TPD52: variants seen among roughly 807,000 people sequenced by gnomAD.
TPD52 encodes prostate and colon associated protein.
TPD52 carries 17 observed loss-of-function variants against 31.3 expected under a neutral mutation model. The ratio of observed to expected loss-of-function variants is 0.54; its 90% CI spans 0.37 to 0.82. TPD52 has a LOEUF of 0.82. Ranked by LOEUF, TPD52 falls within the 40% of genes least tolerant of loss-of-function variation. TPD52 has a pLI of 0.00. For synonymous variants in TPD52, 83 were observed against 89.6 expected (o/e 0.93, Z 0.42); for missense variants, 212 against 240.1 (o/e 0.88, Z 0.77).
chr8:80,091,482 A>G (rs1023908634), intron 1 of TPD52, among the ~76,000 whole-genome samples: 4 of 143,814 alleles, frequency 2.8e-5, no homozygotes, highest in Middle Eastern at 3.4e-3. Context: ...AAAAAAAAAA[A>G]TACACAAAAG....
chr8:80,048,894 G>A (rs1180116458), intron 5 of TPD52, among the ~76,000 whole-genome samples: 1 of 152,052 alleles, frequency 6.6e-6, no homozygotes, highest in Non-Finnish European at 1.5e-5. Context: ...GACTGAAAAT[G>A]GTACAGCATA....
chr8:80,109,374 T>C (rs62516082), intron 1 of TPD52, among the ~76,000 whole-genome samples: 30,796 of 152,116 alleles, frequency 0.2, 5,680 homozygotes, highest in African/African-American at 0.49. Context: ...TGAGACAAAA[T>C]TTATTATGCA....
At chr8:80,164,845 T>C (rs534334257) in intron 1 of TPD52, among the ~76,000 whole-genome samples, 33 of 126,674 alleles carry the variant, frequency 2.6e-4, no homozygotes, top group Non-Finnish European at 4.2e-4. Flanking sequence ...ATCATGCCAC[T>C]GCACTCCAGC....
At position 80,058,781 on chromosome 8, in the gene TPD52, A is replaced by G. The variant is rs149893163; in HGVS notation, c.136-5351T>C. Among the ~76,000 whole-genome samples, 1,486 of 152,322 alleles carry G rather than the reference A, an allele frequency of 9.8e-3. 27 individuals are homozygous for G. The highest frequency in any genetic ancestry group is 0.034 in the African/African-American group (1,405 of 41,558). Reference sequence around the variant, plus strand: ...CCACCACACTCCAGCCTGGGCAACAACAGAGTGAAACTCTGTCTCAAAAAA... The same window carrying G: ...CCACCACACTCCAGCCTGGGCAACAGCAGAGTGAAACTCTGTCTCAAAAAA... On this transcript the variant is annotated intron_variant, in intron 2 of 7. Coordinates refer to ENST00000518937, the MANE Select transcript of TPD52 (RefSeq NM_001025253.3).
intron 1 of TPD52, among the ~76,000 whole-genome samples, chr8:80,123,377 C>T (rs1052069608): frequency 6.6e-6 from 1 of 152,120 alleles, no homozygotes; most frequent in Admixed American, 6.5e-5. Flanking sequence ...AAATGACTCT[C>T]AAGACAAGGT....
chr8:80,082,053 C>G (rs1408843799), intron 1 of TPD52, among the ~76,000 whole-genome samples: 1 of 152,066 alleles, frequency 6.6e-6, no homozygotes, highest in Non-Finnish European at 1.5e-5. Flanking sequence ...GGTGATCCGC[C>G]TGCCTCGGCC....
chr8:80,087,252 A>T (rs1815881025), intron 1 of TPD52, among the ~76,000 whole-genome samples: 1 of 152,174 alleles, frequency 6.6e-6, no homozygotes, highest in African/African-American at 2.4e-5. Flanking sequence ...CCTATCACCT[A>T]GGTCTTAAGC....
chr8:80,140,192 C>T (rs1402328606), intron 1 of TPD52, among the ~76,000 whole-genome samples: 1 of 152,172 alleles, frequency 6.6e-6, no homozygotes, highest in Non-Finnish European at 1.5e-5. Context: ...CCTGGGTTCT[C>T]CTGATGTCAA....
chr8:80,036,577 T>C lies in TPD52; in HGVS notation c.*1539A>G, dbSNP rs1809926241. 2 of 152,596 alleles carry C rather than the reference T, an allele frequency of 1.3e-5. No homozygotes were observed. The highest frequency in any genetic ancestry group is 2.4e-5 in the African/African-American group (1 of 41,432). 9.5% of individuals were successfully genotyped at this position (152,596 alleles called of 1,614,324 possible). A position where few individuals can be genotyped will look rare whatever the true frequency, so the allele number is the denominator to read the frequency against. Reference sequence around the variant, plus strand: ...CAGACCACTGGTCTCATAATAAATATTGAGACCTATACTACTGATAGATGG... The same window carrying C: ...CAGACCACTGGTCTCATAATAAATACTGAGACCTATACTACTGATAGATGG... On this transcript the variant is annotated 3_prime_UTR_variant, in exon 8 of 8. Coordinates refer to ENST00000518937, the MANE Select transcript of TPD52 (RefSeq NM_001025253.3).
At chr8:80,104,536 G>A (rs566654269) in intron 1 of TPD52, among the ~76,000 whole-genome samples, 1 of 151,348 alleles carries the variant, frequency 6.6e-6, no homozygotes, top group Non-Finnish European at 1.5e-5. Flanking sequence ...GATCAGCCGG[G>A]GGAACAGAGC....
At chr8:80,115,481 G>A (rs994232866) in intron 1 of TPD52, among the ~76,000 whole-genome samples, 16 of 152,234 alleles carry the variant, frequency 1.1e-4, no homozygotes, top group Non-Finnish European at 1.5e-4. Context: ...TACAAGCGGC[G>A]GAAAAGGCAG....
At chr8:80,042,129 A>C (rs950522474) in intron 7 of TPD52, 1 of 960,106 alleles carries the variant, frequency 1.0e-6, no homozygotes, top group Non-Finnish European at 1.2e-6. Flanking sequence ...ATTGCACATA[A>C]TATTGAAAGA....
At chr8:80,132,660 G>A (rs138468764) in intron 1 of TPD52, among the ~76,000 whole-genome samples, 3 of 152,218 alleles carry the variant, frequency 2.0e-5, no homozygotes, top group Admixed American at 2.0e-4. Context: ...TGGACCCAGA[G>A]AATAGTACTT....
chr8:80,163,569 A>G (rs1267515618), intron 1 of TPD52, among the ~76,000 whole-genome samples: 2 of 152,182 alleles, frequency 1.3e-5, no homozygotes, highest in African/African-American at 2.4e-5. Flanking sequence ...TACAGTTAAC[A>G]CTATCGTACT....
At chr8:80,150,268 C>A (rs1475311750) in intron 1 of TPD52, among the ~76,000 whole-genome samples, 1 of 152,228 alleles carries the variant, frequency 6.6e-6, no homozygotes, top group Non-Finnish European at 1.5e-5. Flanking sequence ...ATTTGGGAAC[C>A]TCCGCCTAGA....
chr8:80,038,331 C>T (rs925734640), intron 7 of TPD52, 96 bp from the exon 8 acceptor site: 3 of 1,247,760 alleles, frequency 2.4e-6, no homozygotes, highest in Non-Finnish European at 3.4e-6. Context: ...AGAACAAATA[C>T]ATCAGCAACC....
chr8:80,031,450 A>G (rs1187927290), downstream of TPD52, among the ~76,000 whole-genome samples: 1 of 152,234 alleles, frequency 6.6e-6, no homozygotes, highest in African/African-American at 2.4e-5. Context: ...TTATCTCCCG[A>G]GACTATTAAT....
At chr8:80,056,023 A>C (rs1811838079) in intron 2 of TPD52, among the ~76,000 whole-genome samples, 1 of 152,214 alleles carries the variant, frequency 6.6e-6, no homozygotes, top group Non-Finnish European at 1.5e-5. Context: ...ATAATCCAGC[A>C]ATCCCACTAC....
intron 1 of TPD52, among the ~76,000 whole-genome samples, chr8:80,069,507 C>T (rs1813531547): frequency 6.7e-6 from 1 of 148,834 alleles, no homozygotes; most frequent in South Asian, 2.1e-4. Flanking sequence ...TTTTAGGGGG[C>T]TGGGCATGGT....
Sources: gnomAD v4.1 joint callset for allele counts (sites outside exome capture counted in the v4.1 genomes callset) on GRCh38, gnomAD v4.1.1 for gene constraint, MANE v1.5 for transcripts, NCBI Gene and HGNC (gene_info 2026-07-23, HGNC 2026-07-21) for gene names.